PCDH15: variants seen among roughly 807,000 people sequenced by gnomAD.
The protein encoded by PCDH15 is protocadherin-15.
A neutral mutation model predicts 178.5 loss-of-function variants in PCDH15; 129 were observed. The observed-to-expected ratio is 0.72, with a 90% confidence interval of 0.63 to 0.84. The LOEUF (loss-of-function observed/expected upper bound fraction) is 0.84. Ranked by LOEUF, PCDH15 falls within the 40% of genes least tolerant of loss-of-function variation. PCDH15 has a pLI of 0.00. For synonymous variants in PCDH15, 800 were observed against 732.0 expected, an observed-to-expected ratio of 1.09 and a Z score of -1.50; for missense variants, 2,230 against 2,099.9, an observed-to-expected ratio of 1.06 and a Z score of -1.21.
At position 55,391,074 on chromosome 10, in the gene PCDH15, A is replaced by G. The variant is rs368658797; in HGVS notation, c.-155-224423T>C. Among the ~76,000 whole-genome samples the G allele has an allele frequency of 6.0e-4, 92 of 152,296 alleles. 2 individuals carry two copies. In the East Asian group the frequency reaches 0.013, roughly 22 times the overall value. The stretch of plus-strand genomic sequence containing the variant: ...CATTGACTTCTCCTCTCTAGCTATG[A>G]AAGTCCTAGAGGGTATCTTCCTCCA... On this transcript the variant is annotated intron_variant, in intron 2 of 5. Coordinates refer to the PCDH15 transcript ENST00000613346.
intron 26 of PCDH15, among the ~76,000 whole-genome samples, chr10:53,890,076 A>T (rs984049625): frequency 6.6e-6 from 1 of 152,296 alleles, no homozygotes; most frequent in African/African-American, 2.4e-5. Flanking sequence ...AATCTGTGTG[A>T]TTTTGCATAT....
intron 2 of PCDH15, among the ~76,000 whole-genome samples, chr10:55,105,652 C>G (rs1412304526): frequency 6.6e-6 from 1 of 152,024 alleles, no homozygotes; most frequent in Admixed American, 6.6e-5. Context: ...AAACTTAAGT[C>G]ATAAGCAGCA....
intron 2 of PCDH15, among the ~76,000 whole-genome samples, chr10:55,096,376 A>AT (rs1354761990): frequency 2.6e-5 from 4 of 152,082 alleles, no homozygotes; most frequent in African/African-American, 4.8e-5. Context: ...TTCAACCATG[A>AT]TTTTTCAGAC....
intron 2 of PCDH15, among the ~76,000 whole-genome samples, chr10:55,142,754 T>C (rs564622642): frequency 6.6e-6 from 1 of 151,786 alleles, no homozygotes; most frequent in South Asian, 2.1e-4. Flanking sequence ...CTCAAGTCTC[T>C]TATTTTTCAA....
At chr10:54,289,386 T>C (rs2059248310) in intron 8 of PCDH15, among the ~76,000 whole-genome samples, 1 of 152,228 alleles carries the variant, frequency 6.6e-6, no homozygotes, top group Non-Finnish European at 1.5e-5. Context: ...AAACCCCATC[T>C]GTGGGTCACC....
intron 1 of PCDH15, among the ~76,000 whole-genome samples, chr10:54,676,039 T>A (rs1380941302): frequency 6.6e-6 from 1 of 152,156 alleles, no homozygotes; most frequent in Admixed American, 6.6e-5. Flanking sequence ...CTAAGGAAGT[T>A]CTATTTCCTT....
At chr10:55,226,013 T>C (rs1379677285) in intron 1 of PCDH15, among the ~76,000 whole-genome samples, 2 of 152,054 alleles carry the variant, frequency 1.3e-5, no homozygotes, top group African/African-American at 4.8e-5. Context: ...TAGAGTTCTG[T>C]CTCTAAGATT....
chr10:54,460,851 G>A (rs2077122613), intron 3 of PCDH15, among the ~76,000 whole-genome samples: 1 of 152,038 alleles, frequency 6.6e-6, no homozygotes, highest in South Asian at 2.1e-4. Flanking sequence ...CAACGTGGGA[G>A]AGTGTTAAAT....
intron 15 of PCDH15, among the ~76,000 whole-genome samples, chr10:54,097,930 G>T (rs748842002): frequency 2.6e-5 from 4 of 152,110 alleles, no homozygotes; most frequent in Non-Finnish European, 5.9e-5. Context: ...AGGAAACTCA[G>T]TCAGAGCTCT....
At chr10:54,266,306 T>C (rs1472607516) in intron 8 of PCDH15, among the ~76,000 whole-genome samples, 3 of 151,714 alleles carry the variant, frequency 2.0e-5, no homozygotes, top group Admixed American at 6.6e-5. Context: ...GATGCAACGA[T>C]AGCAGTTTAA....
At chr10:55,459,241 A>AAAAAAAAAAAAAAAAAAG (rs10647110) in intron 2 of PCDH15, among the ~76,000 whole-genome samples, 9 of 134,208 alleles carry the variant, frequency 6.7e-5, no homozygotes, top group African/African-American at 1.1e-4. Flanking sequence ...GCAAAAAAAA[A>AAAAAAAAAAAAAAAAAAG]AAAGAAGGAA....
At chr10:54,396,058 A>C (rs1349729041) in intron 3 of PCDH15, among the ~76,000 whole-genome samples, 1 of 152,128 alleles carries the variant, frequency 6.6e-6, no homozygotes, top group Non-Finnish European at 1.5e-5. Context: ...TATTTACCTA[A>C]AAGGACGATA....
chr10:53,975,437 C>T (rs776680773), intron 21 of PCDH15, among the ~76,000 whole-genome samples: 1 of 152,124 alleles, frequency 6.6e-6, no homozygotes, highest in African/African-American at 2.4e-5. Flanking sequence ...CATAACCTCA[C>T]CAGCATCTGT....
intron 1 of PCDH15, among the ~76,000 whole-genome samples, chr10:55,231,749 T>G (rs188688259): frequency 6.6e-6 from 1 of 152,124 alleles, no homozygotes; most frequent in African/African-American, 2.4e-5. Flanking sequence ...AGGTGATGAT[T>G]TTTACCAAGA....
chr10:54,068,153 T>A (rs1170111781), intron 17 of PCDH15, among the ~76,000 whole-genome samples: 2 of 152,080 alleles, frequency 1.3e-5, no homozygotes, highest in Non-Finnish European at 2.9e-5. Context: ...CTGCCCTTAT[T>A]TTAACAGAAG....
chr10:53,982,602 T>C (rs1278730907), intron 21 of PCDH15, among the ~76,000 whole-genome samples: 2 of 137,940 alleles, frequency 1.4e-5, no homozygotes, highest in Non-Finnish European at 3.0e-5. Flanking sequence ...TTCTCACTCA[T>C]AGGTGGGAAT....
At chr10:54,085,132 T>A (rs2094496040) in intron 16 of PCDH15, among the ~76,000 whole-genome samples, 1 of 152,114 alleles carries the variant, frequency 6.6e-6, no homozygotes, top group Admixed American at 6.6e-5. Context: ...AGAGCTGAGC[T>A]GTCAGGGAAT....
At chr10:54,570,086 G>A (rs139852253) in intron 2 of PCDH15, among the ~76,000 whole-genome samples, 9 of 151,894 alleles carry the variant, frequency 5.9e-5, no homozygotes, top group African/African-American at 1.9e-4. Context: ...GTGTGAATGC[G>A]TTTATCTCAC....
intron 2 of PCDH15, among the ~76,000 whole-genome samples, chr10:55,043,776 A>G (rs975801460): frequency 6.6e-6 from 1 of 151,586 alleles, no homozygotes; most frequent in South Asian, 2.1e-4. Flanking sequence ...AAAGAAGAAA[A>G]AAACACTCAT....
Sources: gnomAD v4.1 joint callset for allele counts (sites outside exome capture counted in the v4.1 genomes callset) on GRCh38, gnomAD v4.1.1 for gene constraint, MANE v1.5 for transcripts, NCBI Gene and HGNC (gene_info 2026-07-23, HGNC 2026-07-21) for gene names.